SMOC2: variants seen among roughly 807,000 people sequenced by gnomAD.
SMOC2 encodes SPARC related modular calcium binding 2.
Under a neutral mutation model 61.4 loss-of-function variants are expected in SMOC2, and 39 were observed. The observed-to-expected ratio is 0.64, with a 90% CI of 0.49 to 0.83. The LOEUF is 0.83. Among genes scored for constraint, SMOC2 ranks in the 40% least tolerant of loss-of-function variants. The pLI is 0.00. For synonymous variants in SMOC2, 247 were observed against 239.9 expected, an observed-to-expected ratio of 1.03 and a Z score of -0.27; for missense variants, 556 against 592.9, an observed-to-expected ratio of 0.94 and a Z score of 0.65.
At chr6:168,631,871 G>A (rs543254638) in intron 9 of SMOC2, among the ~76,000 whole-genome samples, 102 of 152,174 alleles carry the variant, frequency 6.7e-4, no homozygotes, top group Non-Finnish European at 1.3e-3. Flanking sequence ...AGAGTGAAGA[G>A]TTCATTTCCT....
rs182852631 is a variant in SMOC2 at position 168,592,321 on chromosome 6, C to T, written c.638-6497C>T. ...CTCCTCCTCCCTGAGGCCTCACGGG[C>T]GTCTTTCTAGAGGATCTCCGAGCTC... is the stretch of plus-strand genomic sequence containing the variant. On this transcript the variant is annotated intron_variant, in intron 7 of 12. Transcript: ENST00000356284. Among the ~76,000 whole-genome samples the T allele has an allele frequency of 1.8e-4, 27 of 146,996 alleles. No homozygotes were observed. In the East Asian group the frequency reaches 5.1e-3, roughly 28 times the overall value.
chr6:168,548,758 T>C lies in SMOC2; in HGVS notation c.563-371T>C, dbSNP rs1040102308. Among the ~76,000 whole-genome samples the C allele has an allele frequency of 5.9e-5, 9 of 152,314 alleles. 1 individual carries two copies. In the South Asian group the frequency reaches 1.4e-3, roughly 25 times the overall value. ...GTTATACTTCACATATTGCATTTTA[T>C]AATGAATCTTTCAACTGAGTGAAAA... is the stretch of plus-strand genomic sequence containing the variant. On this transcript the variant is annotated intron_variant, in intron 6 of 12. Transcript: ENST00000356284.
intron 8 of SMOC2, among the ~76,000 whole-genome samples, chr6:168,605,901 T>A (rs1785674286): frequency 6.6e-6 from 1 of 152,040 alleles, no homozygotes; most frequent in African/African-American, 2.4e-5. Context: ...ATCCTCAGAG[T>A]CTACGTCATC....
chr6:168,495,022 C>T (rs555340820), intron 1 of SMOC2, among the ~76,000 whole-genome samples: 1 of 152,242 alleles, frequency 6.6e-6, no homozygotes, highest in African/African-American at 2.4e-5. Flanking sequence ...GCCTCTGGCA[C>T]CTTCCTGAAA....
rs555879111 is a variant in SMOC2, at chr6:168,549,177, G to A, written c.611G>A (p.Arg204Gln). Residue 204 changes from arginine (R) to glutamine (Q), a missense_variant, in exon 7 of 13, where the codon CGG (arginine) becomes CAG (glutamine). Transcript: ENST00000356284. Reference protein sequence around the residue: ...PTLWTEQVKSRQNKTNKNSVS... With the variant: ...PTLWTEQVKSQQNKTNKNSVS... Reference sequence around the variant, plus strand: ...CTTTGGACTGAACAGGTTAAAAGTCGGCAGAACAAAACCAATAAGAATTCA... The same window carrying A: ...CTTTGGACTGAACAGGTTAAAAGTCAGCAGAACAAAACCAATAAGAATTCA... The A allele has an allele frequency of 2.5e-5, 40 of 1,614,074 alleles. No individual in the cohort carries two copies. The highest frequency in any genetic ancestry group is 1.6e-4 in the Middle Eastern group (1 of 6,062).
intron 1 of SMOC2, among the ~76,000 whole-genome samples, chr6:168,443,328 A>G (rs1414975995): frequency 2.6e-5 from 4 of 152,046 alleles, no homozygotes; most frequent in East Asian, 1.9e-4. Context: ...TCATCTAACT[A>G]TTTACTTGAA....
chr6:168,539,720 G>A (rs1247641523), intron 4 of SMOC2, among the ~76,000 whole-genome samples: 2 of 152,224 alleles, frequency 1.3e-5, no homozygotes, highest in Non-Finnish European at 2.9e-5. Context: ...GTGGTGGATG[G>A]GCTGTGTGCT....
intron 11 of SMOC2, among the ~76,000 whole-genome samples, chr6:168,658,204 C>G (rs547082482): frequency 8.9e-4 from 136 of 152,278 alleles, no homozygotes; most frequent in African/African-American, 3.2e-3. Flanking sequence ...AACACCCACC[C>G]AGTGATTCAT....
At chr6:168,608,095 C>G (rs1785757470) in intron 8 of SMOC2, 62 bp from the exon 9 acceptor site, 1 of 1,492,756 alleles carries the variant, frequency 6.7e-7, no homozygotes, top group Non-Finnish European at 9.2e-7. Context: ...GGAAGACAAA[C>G]CACAGCTGGT....
chr6:168,496,718 C>T (rs567745535), intron 1 of SMOC2, among the ~76,000 whole-genome samples: 1 of 152,142 alleles, frequency 6.6e-6, no homozygotes, highest in Non-Finnish European at 1.5e-5. Flanking sequence ...CCTCCCGAGC[C>T]CTTCCCTGCC....
chr6:168,537,711 G>C (rs188704691), intron 4 of SMOC2, among the ~76,000 whole-genome samples: 1 of 152,126 alleles, frequency 6.6e-6, no homozygotes, highest in African/African-American at 2.4e-5. Context: ...ATATGCCCTC[G>C]GTCCTCTGGC....
intron 7 of SMOC2, among the ~76,000 whole-genome samples, chr6:168,558,864 TGTGTGCATGTGTGTGCGTGTGTGC>T (rs1175747029): frequency 2.8e-5 from 3 of 106,836 alleles, no homozygotes; most frequent in African/African-American, 6.7e-5. Flanking sequence ...TGTGCGCATG[TGTGTGCATGTGTGTGCGTGTGTGC>T]GTGTGCATGT....
chr6:168,663,335 G>T (rs557162620), intron 11 of SMOC2, among the ~76,000 whole-genome samples: 1 of 152,122 alleles, frequency 6.6e-6, no homozygotes, highest in Non-Finnish European at 1.5e-5. Context: ...GACTCTACTC[G>T]AAGCTTTGAA....
chr6:168,632,105 A>G (rs753261833), intron 9 of SMOC2, among the ~76,000 whole-genome samples: 4 of 152,214 alleles, frequency 2.6e-5, no homozygotes, highest in Non-Finnish European at 5.9e-5. Flanking sequence ...ATAATTCCCA[A>G]ATCTTACAAA....
At chr6:168,491,013 A>T (rs528722199) in intron 1 of SMOC2, among the ~76,000 whole-genome samples, 1 of 150,146 alleles carries the variant, frequency 6.7e-6, no homozygotes, top group East Asian at 2.0e-4. Flanking sequence ...GGCAGGAAAT[A>T]TTTCTGCATC....
intron 4 of SMOC2, among the ~76,000 whole-genome samples, chr6:168,536,212 AG>A (rs79404654): frequency 0.11 from 16,734 of 152,230 alleles, 998 homozygotes; most frequent in Middle Eastern, 0.18. Context: ...ACAGGCCCAC[AG>A]GGCAGCCATC....
intron 8 of SMOC2, among the ~76,000 whole-genome samples, chr6:168,605,416 TTAAAA>T (rs1489485216): frequency 6.6e-6 from 1 of 152,094 alleles, no homozygotes; most frequent in African/African-American, 2.4e-5. Context: ...TACAAATAAG[TTAAAA>T]TAAACCTATT....
At chr6:168,641,855 A>T (rs1056182948) in intron 9 of SMOC2, among the ~76,000 whole-genome samples, 1 of 152,234 alleles carries the variant, frequency 6.6e-6, no homozygotes, top group African/African-American at 2.4e-5. Flanking sequence ...GTGTTAATTC[A>T]TCAAAGCACT....
chr6:168,506,041 C>A (rs1432175194), intron 1 of SMOC2, among the ~76,000 whole-genome samples: 1 of 151,694 alleles, frequency 6.6e-6, no homozygotes. Context: ...CAAGGTCTCA[C>A]TTGCCCAGGC....
Sources: allele counts gnomAD v4.1 joint callset (sites outside exome capture counted in the v4.1 genomes callset), GRCh38; gene constraint gnomAD v4.1.1; transcripts MANE v1.5; gene names NCBI Gene and HGNC (gene_info 2026-07-23, HGNC 2026-07-21).